The following ELP1 variants were observed in gnomAD, a reference collection of about 807,000 sequenced individuals.
The protein encoded by ELP1 is elongator complex protein 1.
In ELP1, 131 loss-of-function variants were observed where a neutral mutation model predicts 183.2. That is an observed-to-expected ratio of 0.72 (90% CI 0.62 to 0.83). ELP1 has a LOEUF of 0.83. Among genes scored for constraint, ELP1 ranks in the 40% least tolerant of loss-of-function variants. ELP1 has a pLI of 0.00. For missense variants in ELP1, 1,550 were observed against 1,594.9 expected (o/e 0.97, Z 0.48); for synonymous variants, 555 against 569.0 (o/e 0.98, Z 0.35).
intron 32 of ELP1, 36 bp downstream of exon 32, chr9:108,880,015 GC>G: frequency 7.8e-7 from 1 of 1,289,432 alleles, no homozygotes; most frequent in Non-Finnish European, 1.1e-6. Flanking sequence ...CAACCCCACT[GC>G]CCCCGCACGT....
chr9:108,914,385 G>C (rs1431242068), intron 10 of ELP1, among the ~76,000 whole-genome samples: 1 of 96,756 alleles, frequency 1.0e-5, no homozygotes, highest in Non-Finnish European at 1.8e-5. Context: ...GGGAAAGAGA[G>C]AGACTCCGTC....
intron 36 of ELP1, among the ~76,000 whole-genome samples, chr9:108,870,330 G>C (rs1005672982): frequency 1.3e-5 from 2 of 152,076 alleles, no homozygotes; most frequent in Non-Finnish European, 2.9e-5. Context: ...GCAGTGTATT[G>C]GCAGCATAAA....
intron 30 of ELP1, 47 bp from the exon 31 acceptor site, chr9:108,881,812 C>T (rs934650405): frequency 8.9e-7 from 1 of 1,125,744 alleles, no homozygotes; most frequent in Non-Finnish European, 1.4e-6. Context: ...CTTCTAGTCA[C>T]TGGAGAGTTA....
chr9:108,881,212 AT>A (rs1227547053), intron 31 of ELP1, among the ~76,000 whole-genome samples: 5 of 152,204 alleles, frequency 3.3e-5, no homozygotes, highest in African/African-American at 4.8e-5. Context: ...TGATTTACCA[AT>A]TACTAACATT....
intron 14 of ELP1, among the ~76,000 whole-genome samples, chr9:108,905,398 T>C (rs893108423): frequency 1.3e-5 from 2 of 152,120 alleles, no homozygotes; most frequent in Non-Finnish European, 2.9e-5. Context: ...CAACAGGGCT[T>C]ACATTACACA....
chr9:108,928,961 T>C (rs1829907691), intron 3 of ELP1, among the ~76,000 whole-genome samples: 1 of 152,206 alleles, frequency 6.6e-6, no homozygotes, highest in African/African-American at 2.4e-5. Context: ...AAGCACTCTG[T>C]GCCTTAACTG....
intron 12 of ELP1, 45 bp downstream of exon 12, chr9:108,910,965 A>G (rs1448071902): frequency 1.1e-5 from 18 of 1,576,488 alleles, no homozygotes; most frequent in Admixed American, 3.3e-5. Flanking sequence ...GTAGGAGTAG[A>G]AGGGACTTGA....
chr9:108,921,244 A>T (rs548374958), intron 6 of ELP1, among the ~76,000 whole-genome samples: 51 of 152,232 alleles, frequency 3.4e-4, no homozygotes, highest in African/African-American at 1.2e-3. Flanking sequence ...CCCCATATCC[A>T]TTAGCAGTCA....
chr9:108,912,660 C>T (rs1829274289), intron 10 of ELP1, among the ~76,000 whole-genome samples, 166 bp from the exon 11 acceptor site: 1 of 151,780 alleles, frequency 6.6e-6, no homozygotes, highest in South Asian at 2.1e-4. Flanking sequence ...GCTTTCCATG[C>T]AGATAAAATA....
chr9:108,891,541 T>TAGTA, intron 27 of ELP1, 137 bp from the exon 28 acceptor site: 2 of 771,390 alleles, frequency 2.6e-6, no homozygotes, highest in Non-Finnish European at 4.4e-6. Flanking sequence ...GTTGATCAGT[T>TAGTA]AGTACAGTCA....
At chr9:108,877,896 G>T in intron 35 of ELP1, 99 bp downstream of exon 35, 1 of 1,253,200 alleles carries the variant, frequency 8.0e-7, no homozygotes, top group Non-Finnish European at 1.2e-6. Context: ...GGCATCTTAT[G>T]TTTTAAGAAC....
intron 14 of ELP1, among the ~76,000 whole-genome samples, chr9:108,905,906 C>T (rs999512631): frequency 2.7e-5 from 4 of 150,570 alleles, no homozygotes; most frequent in African/African-American, 9.8e-5. Flanking sequence ...CACATATATG[C>T]GCATGACTGC....
In ELP1 at chr9:108,891,226, A is replaced by G. The variant is rs1286140759; in HGVS notation, c.3137T>C (p.Val1046Ala). The G allele has an allele frequency of 5.6e-6, 9 of 1,614,090 alleles. No individual in the cohort carries two copies. In the African/African-American group the frequency reaches 1.1e-4, roughly 19 times the overall value. ...AQLNFTKDQL[V>A]GLGRTLAGKL... ...ACCTGCCAGAGTTCTGCCGAGGCCCACCAGCTGGTCTTTGGTAAAGTTAAG... is the reference window on the plus strand; with the variant it reads ...ACCTGCCAGAGTTCTGCCGAGGCCCGCCAGCTGGTCTTTGGTAAAGTTAAG... Residue 1046 changes from valine (V) to alanine (A), a missense_variant, in exon 28 of 37, where the codon GTG becomes GCG. By Grantham distance (64) the Val-to-Ala change is moderately conservative. Transcript: ENST00000374647.
intron 1 of ELP1, 98 bp downstream of exon 1, chr9:108,933,766 G>C (rs922883929): frequency 2.0e-5 from 3 of 152,862 alleles, no homozygotes; most frequent in Non-Finnish European, 4.4e-5. Context: ...TCCAGTCCCC[G>C]GCCCGCAGCA....
At chr9:108,869,242 G>T in intron 36 of ELP1, 60 bp from the exon 37 acceptor site, 1 of 1,411,498 alleles carries the variant, frequency 7.1e-7, no homozygotes, top group Non-Finnish European at 1.0e-6. Context: ...GGGCGCTGAG[G>T]CAGTAACTCT....
intron 6 of ELP1, among the ~76,000 whole-genome samples, chr9:108,920,253 T>A (rs1209898624): frequency 6.6e-6 from 1 of 151,710 alleles, no homozygotes; most frequent in East Asian, 1.9e-4. Context: ...ACCCTTGGTA[T>A]CCTCCTCAAT....
intron 12 of ELP1, among the ~76,000 whole-genome samples, chr9:108,909,126 C>T (rs553405967): frequency 1.3e-5 from 2 of 152,228 alleles, no homozygotes; most frequent in South Asian, 4.1e-4. Flanking sequence ...GTCACCTTCA[C>T]AGAGAGGCCT....
At chr9:108,880,598 G>A (rs1205729485) in intron 31 of ELP1, among the ~76,000 whole-genome samples, 1 of 152,110 alleles carries the variant, frequency 6.6e-6, no homozygotes, top group Non-Finnish European at 1.5e-5. Context: ...AATAAATATT[G>A]TCCAATGGAA....
At chr9:108,933,092 C>T (rs981933701) in intron 1 of ELP1, among the ~76,000 whole-genome samples, 5 of 152,142 alleles carry the variant, frequency 3.3e-5, no homozygotes, top group African/African-American at 1.2e-4. Context: ...ACCACTAAAC[C>T]CACATTTTCA....
Sources: allele counts gnomAD v4.1 joint callset (sites outside exome capture counted in the v4.1 genomes callset), GRCh38; gene constraint gnomAD v4.1.1; transcripts MANE v1.5; gene names NCBI Gene and HGNC (gene_info 2026-07-23, HGNC 2026-07-21).